TEKT5: variants seen among roughly 807,000 people sequenced by gnomAD.
TEKT5 encodes the protein tektin-5.
TEKT5 carries 52 observed loss-of-function variants against 48.7 expected under a neutral mutation model. The ratio of observed to expected loss-of-function variants is 1.07; its 90% CI spans 0.86 to 1.35. The LOEUF (loss-of-function observed/expected upper bound fraction) is 1.35, where lower values mean the gene tolerates loss of function less well. TEKT5 is among the 40% of genes most tolerant of loss of function. TEKT5 has a pLI of 0.00. For synonymous variants in TEKT5, 318 were observed against 267.6 expected (o/e 1.19, Z -1.84); for missense variants, 831 against 641.6 (o/e 1.30, Z -3.19).
intron 3 of TEKT5, among the ~76,000 whole-genome samples, chr16:10,683,258 G>A (rs1363732905): frequency 1.3e-5 from 2 of 152,070 alleles, no homozygotes; most frequent in Non-Finnish European, 2.9e-5. Flanking sequence ...CAGATGTTTA[G>A]GGACCTCAGG....
intron 5 of TEKT5, among the ~76,000 whole-genome samples, chr16:10,664,025 T>C (rs4780972): frequency 0.39 from 59,751 of 152,130 alleles, 12,198 homozygotes; most frequent in East Asian, 0.64. Context: ...CTTTCTTGCC[T>C]GAGAGACCAA....
chr16:10,694,624 C>A lies in TEKT5; in HGVS notation c.250G>T (p.Ala84Ser). 1 of 1,611,884 alleles carries A rather than the reference C, an allele frequency of 6.2e-7. No homozygotes were observed. The highest frequency in any genetic ancestry group is 1.1e-5 in the South Asian group (1 of 90,586). Residue 84 changes from alanine (A) to serine (S), a missense_variant, in exon 1 of 7, where the codon GCA becomes TCA. Ala to Ser is a moderately conservative substitution (Grantham distance 99). Transcript: ENST00000283025. ...TGGGGGCTATAGCGAGAGAAGAGTGCGGAGCGCAGTGTGGGCAGGATGGTG... is the reference window on the plus strand; with the variant it reads ...TGGGGGCTATAGCGAGAGAAGAGTGAGGAGCGCAGTGTGGGCAGGATGGTG... ...PPTILPTLRS[A>S]LFSRYSPHDW...
chr16:10,664,889 AG>A (rs545814663), intron 5 of TEKT5, among the ~76,000 whole-genome samples: 220 of 152,324 alleles, frequency 1.4e-3, no homozygotes, highest in Non-Finnish European at 2.4e-3. Context: ...ATTATCACTA[AG>A]GGATGGGCAC....
chr16:10,632,869 G>GACACACACACACACACACAC (rs35503579), intron 6 of TEKT5, among the ~76,000 whole-genome samples: 38 of 131,724 alleles, frequency 2.9e-4, no homozygotes, highest in African/African-American at 8.4e-4. Context: ...CACAGATGCA[G>GACACACACACACACACACAC]ACACACACAC....
intron 3 of TEKT5, among the ~76,000 whole-genome samples, chr16:10,688,359 G>A (rs764445087): frequency 2.0e-5 from 3 of 152,248 alleles, no homozygotes; most frequent in Non-Finnish European, 4.4e-5. Flanking sequence ...GGATCCAAGG[G>A]CTCCTAGAGG....
chr16:10,662,527 C>T (rs1285375681), intron 5 of TEKT5, among the ~76,000 whole-genome samples: 5 of 152,172 alleles, frequency 3.3e-5, no homozygotes, highest in African/African-American at 1.2e-4. Context: ...CACGTAGCCC[C>T]GGCACCACCA....
In TEKT5 at chr16:10,689,288, C is replaced by T. The variant is rs1567237049; in HGVS notation, c.684G>A (p.Met228Ile). 1.9e-6 allele frequency: 3 copies of T among 1,612,960 alleles called. No homozygotes were observed. The Admixed American group carries it at 5.0e-5, about 27-fold the overall frequency. The change falls in exon 3 of 7, where the codon ATG becomes ATA. Residue 228 changes from methionine to isoleucine, a missense_variant. Met to Ile is a conservative substitution (Grantham distance 10, BLOSUM62 1). Transcript: ENST00000283025. ...TATCAATTCTTTGAGCTAATTTTCT[C>T]ATCTGTTCTTGGCAACATTTTAGCA... Reference protein sequence around the residue: ...VDLLKCCQEQMRKLAQRIDIQ... With the variant: ...VDLLKCCQEQIRKLAQRIDIQ...
chr16:10,685,861 TG>T (rs1169075435), intron 3 of TEKT5, among the ~76,000 whole-genome samples: 1 of 152,278 alleles, frequency 6.6e-6, no homozygotes, highest in East Asian at 1.9e-4. Flanking sequence ...CCCCCACCTC[TG>T]GTTGCATCAT....
At chr16:10,692,309 A>G (rs1898994037) in intron 1 of TEKT5, among the ~76,000 whole-genome samples, 1 of 152,120 alleles carries the variant, frequency 6.6e-6, no homozygotes. Flanking sequence ...CTGGGGTTGT[A>G]TAGAATCTGC....
intron 5 of TEKT5, among the ~76,000 whole-genome samples, chr16:10,650,631 C>G (rs1467061626): frequency 6.6e-6 from 1 of 151,804 alleles, no homozygotes; most frequent in Non-Finnish European, 1.5e-5. Flanking sequence ...CGCCTGTAAT[C>G]CCAGCACTTT....
intron 5 of TEKT5, among the ~76,000 whole-genome samples, chr16:10,641,736 C>G (rs1408253663): frequency 6.6e-6 from 1 of 152,164 alleles, no homozygotes; most frequent in Admixed American, 6.5e-5. Flanking sequence ...GCAGGAGCAT[C>G]ACCTGAGCAT....
At chr16:10,668,268 C>T (rs9927815) in intron 5 of TEKT5, among the ~76,000 whole-genome samples, 51,888 of 152,022 alleles carry the variant, frequency 0.34, 10,037 homozygotes, top group East Asian at 0.54. Flanking sequence ...GAAAGGCAGA[C>T]GGGCAAAGGA....
chr16:10,689,275 G>C lies in TEKT5; in HGVS notation c.697C>G (p.Gln233Glu). Residue 233 changes from glutamine to glutamate, a missense_variant, in exon 3 of 7, where the codon CAA becomes GAA. By Grantham distance (29) the Gln-to-Glu change is conservative. Coordinates refer to ENST00000283025, the MANE Select transcript of TEKT5 (RefSeq NM_144674.2). ...TACCGCATCTGGATATCAATTCTTTGAGCTAATTTTCTCATCTGTTCTTGG... is the reference window on the plus strand; with the variant it reads ...TACCGCATCTGGATATCAATTCTTTCAGCTAATTTTCTCATCTGTTCTTGG... ...CCQEQMRKLA[Q>E]RIDIQMRDNR... is the part of the protein sequence containing the mutation. 1.2e-6 allele frequency: 2 copies of C among 1,609,080 alleles called. No individual in the cohort carries two copies. Among genetic ancestry groups the C allele is most frequent in the Non-Finnish European group, 1.7e-6 (2 of 1,178,434 alleles).
rs1249104542 is a variant in TEKT5 at position 10,682,035 on chromosome 16, T to C, written c.821A>G (p.Asp274Gly). 4 of 1,614,194 alleles carry C rather than the reference T, an allele frequency of 2.5e-6. No individual in the cohort carries two copies. The highest frequency in any genetic ancestry group is 3.4e-6 in the Non-Finnish European group (4 of 1,180,026). ...EKCFNLRNTS[D>G]CISFFHGMEK... The stretch of plus-strand genomic sequence containing the variant: ...CATGCCGTGGAAGAAGCTGATGCAG[T>C]CTGACGTATTTCTCAGGTTAAAGCA... Residue 274 changes from aspartate (D) to glycine (G), a missense_variant, in exon 4 of 7, where the codon GAC becomes GGC. By Grantham distance (94) the Asp-to-Gly change is moderately conservative. Transcript: ENST00000283025.
In TEKT5 at chr16:10,627,577, C is replaced by T. The variant is rs571308426; in HGVS notation, c.*6G>A. Reference sequence around the variant, plus strand: ...GCCAGCGCGGAATGAGGCGCCAGGGCGGTGCTCAGGTGTGGCCCACCAGGC... The same window carrying T: ...GCCAGCGCGGAATGAGGCGCCAGGGTGGTGCTCAGGTGTGGCCCACCAGGC... On this transcript the variant is annotated 3_prime_UTR_variant, in exon 7 of 7. Coordinates refer to ENST00000283025, the MANE Select transcript of TEKT5 (RefSeq NM_144674.2). 3.7e-5 allele frequency: 59 copies of T among 1,613,898 alleles called. No homozygotes were observed. Among genetic ancestry groups the T allele is most frequent in the Middle Eastern group, 3.3e-4 (2 of 6,054 alleles).
In TEKT5 at chr16:10,694,343, C is replaced by A; in HGVS notation, c.531G>T (p.Glu177Asp). The change falls in exon 1 of 7, where the codon GAG (glutamate) becomes GAT (aspartate). Residue 177 changes from glutamate to aspartate, a missense_variant. Glu to Asp is a conservative substitution (Grantham distance 45, BLOSUM62 2). Coordinates refer to ENST00000283025, the MANE Select transcript of TEKT5 (RefSeq NM_144674.2). ...QNLETVKRRL[E>D]CAANEVNCPL... ...GGCAGTTCACCTCATTGGCCGCGCA[C>A]TCCAGCCGCCTCTTGACCGTCTCCA... 6.2e-7 allele frequency: 1 copy of A among 1,610,656 alleles called. No individual in the cohort carries two copies. The highest frequency in any genetic ancestry group is 1.7e-5 in the Admixed American group (1 of 59,726).
chr16:10,640,415 C>T (rs71381165), intron 5 of TEKT5, among the ~76,000 whole-genome samples: 6,607 of 152,276 alleles, frequency 0.043, 273 homozygotes, highest in East Asian at 0.2. Context: ...CATGACTGGT[C>T]TGTACGTGAC....
chr16:10,636,173 T>A (rs1281381973), intron 5 of TEKT5, among the ~76,000 whole-genome samples: 25 of 152,138 alleles, frequency 1.6e-4, no homozygotes, highest in Non-Finnish European at 2.4e-4. Flanking sequence ...TCAGGGGTTC[T>A]AGATCAGCCT....
rs557639169 is a variant in TEKT5, at chr16:10,689,371, G to A, written c.649-48C>T. On this transcript the variant is annotated intron_variant, in intron 2 of 6. Coordinates refer to ENST00000283025, the MANE Select transcript of TEKT5 (RefSeq NM_144674.2). The stretch of plus-strand genomic sequence containing the variant: ...GAGCAGTGCCTCTTAGAACCTCACA[G>A]TCTTCTCTCCCAGGCCAGAGCCCTC... 16 of 1,499,554 alleles carry A rather than the reference G, an allele frequency of 1.1e-5. No individual in the cohort carries two copies. The South Asian group carries it at 1.7e-4, about 16-fold the overall frequency. 92.9% of individuals were successfully genotyped at this position (1,499,554 alleles called of 1,614,324 possible).
Sources: allele counts gnomAD v4.1 joint callset (sites outside exome capture counted in the v4.1 genomes callset), GRCh38; gene constraint gnomAD v4.1.1; transcripts MANE v1.5; gene names NCBI Gene and HGNC (gene_info 2026-07-23, HGNC 2026-07-21).